The following ZNF609 variants were observed in gnomAD, a reference collection of about 807,000 sequenced individuals.
ZNF609 encodes zinc finger protein 609.
A neutral mutation model predicts 109.5 loss-of-function variants in ZNF609; 11 were observed. The observed-to-expected ratio is 0.10, with a 90% CI of 0.06 to 0.17. ZNF609 has a LOEUF of 0.17. Ranked by LOEUF, ZNF609 falls within the 10% of genes least tolerant of loss-of-function variation. The pLI is 1.00. For synonymous variants in ZNF609, 646 were observed against 662.0 expected (o/e 0.98, Z 0.37); for missense variants, 1,559 against 1,772.4 (o/e 0.88, Z 2.16).
chr15:64,599,009 G>T (rs1895448160), intron 2 of ZNF609, among the ~76,000 whole-genome samples: 1 of 150,162 alleles, frequency 6.7e-6, no homozygotes. Flanking sequence ...TTTTATTTGT[G>T]TTTATGTATA....
chr15:64,655,390 C>T (rs748263540), intron 3 of ZNF609, among the ~76,000 whole-genome samples: 6 of 151,614 alleles, frequency 4.0e-5, no homozygotes, highest in Non-Finnish European at 8.8e-5. Flanking sequence ...GAGCCAAGAT[C>T]GTGCCATTGC....
At chr15:64,549,292 G>A (rs868530411) in intron 2 of ZNF609, among the ~76,000 whole-genome samples, 1 of 152,186 alleles carries the variant, frequency 6.6e-6, no homozygotes, top group African/African-American at 2.4e-5. Flanking sequence ...CCGGGTTCAA[G>A]CAATTCTCCT....
intron 1 of ZNF609, among the ~76,000 whole-genome samples, chr15:64,491,967 C>T (rs756969259): frequency 6.6e-6 from 1 of 151,222 alleles, no homozygotes; most frequent in Non-Finnish European, 1.5e-5. Context: ...TCGAGCCAGG[C>T]GTGGTGGCTC....
At chr15:64,513,407 G>A (rs913396698) in intron 2 of ZNF609, among the ~76,000 whole-genome samples, 11 of 152,308 alleles carry the variant, frequency 7.2e-5, no homozygotes, top group Non-Finnish European at 1.5e-4. Context: ...AATCAAACAA[G>A]CTGATTGCTT....
chr15:64,641,517 A>C (rs1054851549), intron 3 of ZNF609, among the ~76,000 whole-genome samples: 3 of 151,508 alleles, frequency 2.0e-5, no homozygotes, highest in African/African-American at 7.3e-5. Context: ...CCTGGCCTAC[A>C]CTTGTGCTTT....
chr15:64,513,254 A>G (rs990872221), intron 2 of ZNF609, among the ~76,000 whole-genome samples: 1 of 152,174 alleles, frequency 6.6e-6, no homozygotes, highest in African/African-American at 2.4e-5. Flanking sequence ...ATTTATATAC[A>G]CCATATTAGA....
At chr15:64,472,112 A>G (rs1045410223) in intron 1 of ZNF609, among the ~76,000 whole-genome samples, 2 of 150,364 alleles carry the variant, frequency 1.3e-5, no homozygotes, top group Admixed American at 6.6e-5. Context: ...GGGTTTCCCC[A>G]TGTTGGTCAG....
At chr15:64,637,994 T>A (rs369510327) in intron 3 of ZNF609, among the ~76,000 whole-genome samples, 1 of 134,362 alleles carries the variant, frequency 7.4e-6, no homozygotes, top group Non-Finnish European at 1.6e-5. Context: ...GAACCTTGTT[T>A]TATATATATA....
chr15:64,666,409 A>T (rs1896649523), intron 3 of ZNF609, among the ~76,000 whole-genome samples: 1 of 152,216 alleles, frequency 6.6e-6, no homozygotes, highest in African/African-American at 2.4e-5. Flanking sequence ...AAAATAATTA[A>T]ATAAAAATAA....
At chr15:64,595,905 AC>A (rs927693093) in intron 2 of ZNF609, among the ~76,000 whole-genome samples, 1 of 152,056 alleles carries the variant, frequency 6.6e-6, no homozygotes, top group African/African-American at 2.4e-5. Flanking sequence ...CAGAAAACTG[AC>A]CCCACCATCA....
Position 64,674,132 on chromosome 15 carries a change from T to C in ZNF609, c.1278T>C (p.Thr426=). ...SSEHRPPASS[T]SEDVKASPSS... is the part of the protein sequence containing the mutation. ...AGCACCGCCCACCTGCCAGCAGCACTTCTGAGGATGTCAAGGCCAGCCCTT... is the reference window on the plus strand; with the variant it reads ...AGCACCGCCCACCTGCCAGCAGCACCTCTGAGGATGTCAAGGCCAGCCCTT... Residue 426 remains threonine (T), a synonymous_variant, in exon 5 of 10, where the codon ACT becomes ACC. Coordinates refer to ENST00000326648, the MANE Select transcript of ZNF609 (RefSeq NM_015042.2). The C allele has an allele frequency of 6.2e-7, 1 of 1,614,172 alleles. No homozygotes were observed. Among genetic ancestry groups the C allele is most frequent in the Non-Finnish European group, 8.5e-7 (1 of 1,180,036 alleles).
chr15:64,552,707 T>G (rs541506402), intron 2 of ZNF609, among the ~76,000 whole-genome samples: 1 of 152,290 alleles, frequency 6.6e-6, no homozygotes, highest in East Asian at 1.9e-4. Flanking sequence ...TGGAGTGCAG[T>G]GATGGGATCA....
At chr15:64,511,481 C>CAAAA (rs796464007) in intron 2 of ZNF609, among the ~76,000 whole-genome samples, 2 of 65,168 alleles carry the variant, frequency 3.1e-5, no homozygotes, top group African/African-American at 1.0e-4. Context: ...AACTTTGTCT[C>CAAAA]AAAAAAAAAA....
intron 2 of ZNF609, among the ~76,000 whole-genome samples, chr15:64,582,106 C>T (rs1210000868): frequency 1.3e-5 from 2 of 152,134 alleles, no homozygotes; most frequent in African/African-American, 4.8e-5. Context: ...GCTACTACTC[C>T]CATAGTCGTA....
intron 2 of ZNF609, among the ~76,000 whole-genome samples, chr15:64,619,077 A>G (rs533741810): frequency 6.6e-6 from 1 of 152,112 alleles, no homozygotes; most frequent in Non-Finnish European, 1.5e-5. Context: ...TACCCAGCAC[A>G]CCCGTGTCAC....
intron 2 of ZNF609, among the ~76,000 whole-genome samples, chr15:64,585,456 T>C (rs141742986): frequency 6.6e-6 from 1 of 152,316 alleles, no homozygotes; most frequent in African/African-American, 2.4e-5. Context: ...TGCTGTTGTC[T>C]TTAGCTAATA....
intron 2 of ZNF609, among the ~76,000 whole-genome samples, chr15:64,570,186 T>C (rs1044895419): frequency 6.6e-6 from 1 of 152,236 alleles, no homozygotes; most frequent in Non-Finnish European, 1.5e-5. Context: ...ATTCCCACTT[T>C]ATACATGAGC....
intron 3 of ZNF609, among the ~76,000 whole-genome samples, chr15:64,656,610 CCA>C (rs1185834497): frequency 6.6e-6 from 1 of 152,154 alleles, no homozygotes; most frequent in Non-Finnish European, 1.5e-5. Flanking sequence ...CATGGCTTTA[CCA>C]CAGTTTGTAG....
intron 5 of ZNF609, 33 bp from the exon 6 acceptor site, chr15:64,678,083 C>T: frequency 1.3e-6 from 2 of 1,593,826 alleles, no homozygotes; most frequent in East Asian, 2.2e-5. Context: ...CTTATCTGTA[C>T]AACACCCAGT....
Sources: gnomAD v4.1 joint callset for allele counts (sites outside exome capture counted in the v4.1 genomes callset) on GRCh38, gnomAD v4.1.1 for gene constraint, MANE v1.5 for transcripts, NCBI Gene and HGNC (gene_info 2026-07-23, HGNC 2026-07-21) for gene names.